PREX1: variants seen among roughly 807,000 people sequenced by gnomAD.
PREX1 encodes the protein phosphatidylinositol 3,4,5-trisphosphate-dependent Rac exchanger 1 protein.
PREX1 carries 41 observed loss-of-function variants against 198.3 expected under a neutral mutation model. The ratio of observed to expected loss-of-function variants is 0.21; its 90% CI spans 0.16 to 0.27. PREX1 has a LOEUF of 0.27. PREX1 is among the 10% of genes least tolerant of loss of function. The pLI, the probability that PREX1 is intolerant of heterozygous loss-of-function variation, is 1.00. For synonymous variants in PREX1, 843 were observed against 887.2 expected, an observed-to-expected ratio of 0.95 and a Z score of 0.89; for missense variants, 1,620 against 2,200.7, an observed-to-expected ratio of 0.74 and a Z score of 5.28.
intron 10 of PREX1, among the ~76,000 whole-genome samples, chr20:48,683,350 C>T (rs572451902): frequency 3.3e-5 from 5 of 152,340 alleles, no homozygotes; most frequent in Non-Finnish European, 7.4e-5. Context: ...CAAACTGGGT[C>T]TTGCCATCTT....
chr20:48,642,302 T>C (rs571633426), intron 28 of PREX1, 44 bp from the exon 29 acceptor site: 3 of 1,606,436 alleles, frequency 1.9e-6, no homozygotes, highest in African/African-American at 2.7e-5. Flanking sequence ...CCCGTGGCCC[T>C]ACACACTGCA....
In PREX1 at chr20:48,824,804, C is replaced by T. The variant is rs1364827236; in HGVS notation, c.219+2838G>A. On this transcript the variant is annotated intron_variant, in intron 1 of 39. Transcript: ENST00000371941. The stretch of plus-strand genomic sequence containing the variant: ...CCCATTTGGCCATCCTCCACTACAC[C>T]GTCCTCTCCTTGAGGACAGAAGCCA... Among the ~76,000 whole-genome samples the T allele has an allele frequency of 2.0e-5, 3 of 151,990 alleles. No homozygotes were observed. The East Asian group carries it at 5.8e-4, about 29-fold the overall frequency.
the PREX1 span, among the ~76,000 whole-genome samples, chr20:48,866,311 C>T: frequency 6.6e-6 from 1 of 152,184 alleles, no homozygotes; most frequent in Non-Finnish European, 1.5e-5. Flanking sequence ...AAGCGATTTT[C>T]AGGCCATTTT....
At chr20:48,760,574 T>C (rs1478345896) in intron 1 of PREX1, among the ~76,000 whole-genome samples, 1 of 151,982 alleles carries the variant, frequency 6.6e-6, no homozygotes, top group Non-Finnish European at 1.5e-5. Flanking sequence ...TTAAGTGAAA[T>C]GATGCAGGTG....
In PREX1 at chr20:48,748,021, A is replaced by G. The variant is rs1380804359; in HGVS notation, c.220-141T>C. On this transcript the variant is annotated intron_variant, in intron 1 of 39. Transcript: ENST00000371941. The stretch of plus-strand genomic sequence containing the variant: ...CCAGGGACACAGGCAGAGGACGAGG[A>G]AAAACGTGCTCTGCTTACACCTTAA... The G allele has an allele frequency of 8.3e-6, 6 of 726,172 alleles. No individual in the cohort carries two copies. The Admixed American group carries it at 8.4e-5, about 10-fold the overall frequency. 45.0% of individuals were successfully genotyped at this position (726,172 alleles called of 1,614,324 possible).
At chr20:48,825,575 C>G (rs998375428) in intron 1 of PREX1, among the ~76,000 whole-genome samples, 1 of 152,006 alleles carries the variant, frequency 6.6e-6, no homozygotes, top group Non-Finnish European at 1.5e-5. Context: ...CTACTCTACA[C>G]GTGGACGATT....
chr20:48,705,098 G>A (rs1057282835), intron 6 of PREX1, among the ~76,000 whole-genome samples: 6 of 152,208 alleles, frequency 3.9e-5, no homozygotes, highest in African/African-American at 1.2e-4. Flanking sequence ...AGGCACTGCC[G>A]AGGACTCTGT....
In PREX1 at chr20:48,677,518, T is replaced by G. The variant is rs760823168; in HGVS notation, c.1590-1250A>C. Among the ~76,000 whole-genome samples, 90 of 152,196 alleles carry G rather than the reference T, an allele frequency of 5.9e-4. 1 individual carries two copies. Among genetic ancestry groups the G allele is most frequent in the Non-Finnish European group, 2.2e-4 (15 of 68,030 alleles). ...AATGCCAGGAGCCATTCAAAGCACC[T>G]TCCGTGAATTTAATCCTCATGGCAA... On this transcript the variant is annotated intron_variant, in intron 13 of 39. Transcript: ENST00000371941.
chr20:48,642,523 T>A (rs1323209140), intron 27 of PREX1, 34 bp from the exon 28 acceptor site: 3 of 1,562,770 alleles, frequency 1.9e-6, no homozygotes, highest in Non-Finnish European at 2.6e-6. Flanking sequence ...CCATCAGTCA[T>A]TCCTGCCCCA....
intron 37 of PREX1, among the ~76,000 whole-genome samples, chr20:48,628,779 TG>T (rs1300787778): frequency 6.6e-6 from 1 of 152,230 alleles, no homozygotes; most frequent in African/African-American, 2.4e-5. Context: ...CAGAGAGCAC[TG>T]GCCCCGTGAA....
chr20:48,684,124 T>C lies in PREX1; in HGVS notation c.1335-2789A>G, dbSNP rs1374447443. Among the ~76,000 whole-genome samples, 1 of 143,662 alleles carries C rather than the reference T, an allele frequency of 7.0e-6. No individual in the cohort carries two copies. The highest frequency in any genetic ancestry group is 1.6e-5 in the Non-Finnish European group (1 of 62,186). 94.2% of individuals were successfully genotyped at this position (143,662 alleles called of 152,430 possible). ...GTTAGGATGTGTCAGCTTTCATCCC[T>C]CCTTCCTTCCCGCCTCCTAGAATCA... On this transcript the variant is annotated intron_variant, in intron 10 of 39. Transcript: ENST00000371941. This position sits in a 1 kb window ranked among gnomAD's most constrained non-coding sequence, Gnocchi z 4.2.
At chr20:48,830,887 T>G (rs966853703), upstream of PREX1, among the ~76,000 whole-genome samples, 1 of 152,246 alleles carries the variant, frequency 6.6e-6, no homozygotes, top group South Asian at 2.1e-4. Flanking sequence ...TGAAGTCTTT[T>G]ACAATGCGTG....
chr20:48,819,490 CA>C (rs759441427), intron 1 of PREX1, among the ~76,000 whole-genome samples: 13 of 152,238 alleles, frequency 8.5e-5, no homozygotes, highest in Non-Finnish European at 1.8e-4. Flanking sequence ...ATCCCTGTCA[CA>C]AACATCACCT....
chr20:48,791,996 G>C (rs994154222), intron 1 of PREX1, among the ~76,000 whole-genome samples: 12 of 152,194 alleles, frequency 7.9e-5, no homozygotes, highest in African/African-American at 2.9e-4. Context: ...ATGTGCTCCA[G>C]AAGGCACAGA....
At chr20:48,719,179 CT>C (rs2089974733) in intron 5 of PREX1, among the ~76,000 whole-genome samples, 1 of 152,188 alleles carries the variant, frequency 6.6e-6, no homozygotes, top group Non-Finnish European at 1.5e-5. Context: ...CGAATTCACT[CT>C]TAACCACACA....
At chr20:48,882,408 A>G in the PREX1 span, among the ~76,000 whole-genome samples, 1,116 of 147,380 alleles carry the variant, frequency 7.6e-3, 49 homozygotes, top group East Asian at 0.13. Flanking sequence ...AGGTTGAGGC[A>G]GGAGAATGGC....
intron 1 of PREX1, among the ~76,000 whole-genome samples, chr20:48,769,301 C>A (rs940833497): frequency 6.6e-6 from 1 of 152,064 alleles, no homozygotes; most frequent in African/African-American, 2.4e-5. Context: ...GAGGGGCTGC[C>A]CCGTTGAATG....
the PREX1 span, among the ~76,000 whole-genome samples, chr20:48,836,217 A>C: frequency 1.3e-5 from 2 of 152,184 alleles, 1 homozygote; most frequent in South Asian, 4.1e-4. Context: ...GGGCAGTCAC[A>C]TCCACAATCC....
chr20:48,638,807 T>A (rs2089386224), intron 30 of PREX1, among the ~76,000 whole-genome samples: 1 of 152,090 alleles, frequency 6.6e-6, no homozygotes, highest in Non-Finnish European at 1.5e-5. Context: ...GTGGGCCCAT[T>A]TGACACAGGA....
Sources: allele counts gnomAD v4.1 joint callset (sites outside exome capture counted in the v4.1 genomes callset), GRCh38; gene constraint gnomAD v4.1.1; non-coding constraint Gnocchi (gnomAD v3.1); transcripts MANE v1.5; gene names NCBI Gene and HGNC (gene_info 2026-07-23, HGNC 2026-07-21).